The following SEPHS1 variants were observed in gnomAD, a reference collection of about 807,000 sequenced individuals.
SEPHS1 encodes the protein zincore component SEPHS1.
SEPHS1 carries 7 observed loss-of-function variants against 39.2 expected under a neutral mutation model. The ratio of observed to expected loss-of-function variants is 0.18; its 90% CI spans 0.10 to 0.34. The LOEUF (loss-of-function observed/expected upper bound fraction) is 0.34, where lower values mean the gene tolerates loss of function less well. Among genes scored for constraint, SEPHS1 ranks in the 10% least tolerant of loss-of-function variants. The pLI is 1.00. For synonymous variants in SEPHS1, 190 were observed against 195.5 expected (o/e 0.97, Z 0.23); for missense variants, 253 against 514.5 (o/e 0.49, Z 4.92).
At chr10:13,333,411 G>A (rs1252064209) in intron 5 of SEPHS1, among the ~76,000 whole-genome samples, 1 of 149,820 alleles carries the variant, frequency 6.7e-6, no homozygotes, top group Non-Finnish European at 1.5e-5. Flanking sequence ...GGGATTACAG[G>A]CATGAGCAAC....
At chr10:13,337,522 T>C (rs529818322) in intron 3 of SEPHS1, among the ~76,000 whole-genome samples, 187 of 152,376 alleles carry the variant, frequency 1.2e-3, no homozygotes, top group Non-Finnish European at 2.1e-3. Context: ...TTGCTTGCTT[T>C]AGGCTTTCTT....
intron 3 of SEPHS1, among the ~76,000 whole-genome samples, chr10:13,338,142 G>A (rs1833692483): frequency 6.6e-6 from 1 of 152,194 alleles, no homozygotes; most frequent in South Asian, 2.1e-4. Context: ...CTTTAACTCA[G>A]TGGTCAGAAA....
rs757001037 is a variant in SEPHS1 at position 13,338,819 on chromosome 10, G to T, written c.194-11C>A. On this transcript the variant is annotated splice_polypyrimidine_tract_variant and intron_variant, in intron 2 of 8. Transcript: ENST00000327347. ...TATCCATTCCAATGCCTGTGGAGAT[G>T]GAAGTCATTAGCATCCAAAAATAAA... 3.5e-5 allele frequency: 55 copies of T among 1,593,562 alleles called. No homozygotes were observed. Among genetic ancestry groups the T allele is most frequent in the Non-Finnish European group, 4.7e-5 (55 of 1,161,304 alleles).
chr10:13,343,979 T>C (rs1253455713), intron 2 of SEPHS1, among the ~76,000 whole-genome samples: 2 of 152,286 alleles, frequency 1.3e-5, no homozygotes, highest in African/African-American at 4.8e-5. Flanking sequence ...CCAGAATTTG[T>C]TTCTAAGCTC....
intron 2 of SEPHS1, among the ~76,000 whole-genome samples, chr10:13,339,518 A>G (rs1833729178): frequency 1.3e-5 from 2 of 152,002 alleles, no homozygotes; most frequent in South Asian, 4.2e-4. Context: ...GCATTTTACA[A>G]ACTCAGACTA....
chr10:13,320,410 T>A (rs1405404653), intron 8 of SEPHS1, among the ~76,000 whole-genome samples: 1 of 151,814 alleles, frequency 6.6e-6, no homozygotes, highest in East Asian at 2.0e-4. Context: ...CTCGATCTCC[T>A]GACCTCGTGA....
At position 13,329,848 on chromosome 10, in the gene SEPHS1, A is replaced by G. The variant is rs1015056607; in HGVS notation, c.561-60T>C. 7 of 1,321,558 alleles carry G rather than the reference A, an allele frequency of 5.3e-6. No homozygotes were observed. In the Admixed American group the frequency reaches 1.4e-4, roughly 27 times the overall value. 81.9% of individuals were successfully genotyped at this position (1,321,558 alleles called of 1,614,324 possible). A position where few individuals can be genotyped will look rare whatever the true frequency, so the allele number is the denominator to read the frequency against. Reference sequence around the variant, plus strand: ...TAACCAAGGAGATGAGCTCATTGTTATTAACACAAGAGAAGGAATAATCTG... The same window carrying G: ...TAACCAAGGAGATGAGCTCATTGTTGTTAACACAAGAGAAGGAATAATCTG... On this transcript the variant is annotated intron_variant, in intron 5 of 8. Coordinates refer to ENST00000327347, the MANE Select transcript of SEPHS1 (RefSeq NM_012247.5).
intron 7 of SEPHS1, 81 bp from the exon 8 acceptor site, chr10:13,323,128 T>G (rs1250636528): frequency 3.7e-6 from 4 of 1,091,674 alleles, no homozygotes; most frequent in Non-Finnish European, 4.1e-6. Flanking sequence ...AATCTGCAAC[T>G]TCCTTACTTG....
intron 5 of SEPHS1, 39 bp from the exon 6 acceptor site, chr10:13,329,827 C>T: frequency 6.8e-7 from 1 of 1,463,578 alleles, no homozygotes; most frequent in Non-Finnish European, 9.5e-7. Context: ...TCAAACTAAC[C>T]AAGGAGATGA....
chr10:13,336,646 TA>T (rs1298686796), intron 3 of SEPHS1, among the ~76,000 whole-genome samples: 1 of 152,072 alleles, frequency 6.6e-6, no homozygotes, highest in Non-Finnish European at 1.5e-5. Flanking sequence ...TTTATTTAGA[TA>T]GGGGAAGGGG....
At chr10:13,321,269 C>A (rs1276194986) in intron 8 of SEPHS1, among the ~76,000 whole-genome samples, 2 of 149,910 alleles carry the variant, frequency 1.3e-5, no homozygotes, top group African/African-American at 4.9e-5. Context: ...TTTTTTGAGA[C>A]AGAGTCTCAC....
chr10:13,337,318 T>C (rs1267750154), intron 3 of SEPHS1, among the ~76,000 whole-genome samples: 1 of 152,224 alleles, frequency 6.6e-6, no homozygotes, highest in East Asian at 1.9e-4. Context: ...GTCATTTTAT[T>C]AGGAACTTTA....
chr10:13,342,964 A>G (rs1013142424), intron 2 of SEPHS1, among the ~76,000 whole-genome samples: 5 of 152,032 alleles, frequency 3.3e-5, no homozygotes, highest in African/African-American at 1.2e-4. Flanking sequence ...TGAACTCCTG[A>G]CCTTGAGTGA....
chr10:13,348,080 C>A lies in SEPHS1; in HGVS notation c.-159G>T, dbSNP rs1486628220. 6.8e-6 allele frequency: 1 copy of A among 147,772 alleles called. No individual in the cohort carries two copies. Among genetic ancestry groups the A allele is most frequent in the Admixed American group, 6.7e-5 (1 of 14,916 alleles). The allele number at this position is 147,772 out of a possible 1,614,324, so 9.2% of individuals were successfully genotyped here. On this transcript the variant is annotated 5_prime_UTR_variant, in exon 1 of 9. Coordinates refer to ENST00000327347, the MANE Select transcript of SEPHS1 (RefSeq NM_012247.5). ...CAATGCACCGGGCGCGGCCGGGCTC[C>A]CTTAAGCGTCGCCTGAATAAAAATG...
In SEPHS1 at chr10:13,329,801, A is replaced by G; in HGVS notation, c.561-13T>C. ...TGCATTGTCTGGCCTGAAGAAAAGA[A>G]AAGGGCATGTTCTAGTCAAACTAAC... is the stretch of plus-strand genomic sequence containing the variant. On this transcript the variant is annotated splice_polypyrimidine_tract_variant and intron_variant, in intron 5 of 8. Coordinates refer to ENST00000327347, the MANE Select transcript of SEPHS1 (RefSeq NM_012247.5). The G allele has an allele frequency of 6.3e-7, 1 of 1,598,472 alleles. No individual in the cohort carries two copies. The highest frequency in any genetic ancestry group is 8.5e-7 in the Non-Finnish European group (1 of 1,171,820).
rs1195226899 is a variant in SEPHS1, at chr10:13,318,175, CA to C, written c.*966del. 6.6e-6 allele frequency: 1 copy of C among 152,448 alleles called. No homozygotes were observed. Among genetic ancestry groups the C allele is most frequent in the Non-Finnish European group, 1.5e-5 (1 of 68,008 alleles). The allele number at this position is 152,448 out of a possible 1,614,324, so 9.4% of individuals were successfully genotyped here. On this transcript the variant is annotated 3_prime_UTR_variant, in exon 9 of 9. Coordinates refer to ENST00000327347, the MANE Select transcript of SEPHS1 (RefSeq NM_012247.5). ...TAACACAGATCACAAAAAGCGTGCA[CA>C]AAAAAGTACTGGCGCAAAGGACAAA...
intron 7 of SEPHS1, among the ~76,000 whole-genome samples, chr10:13,324,674 G>A (rs911529977): frequency 4.6e-5 from 7 of 152,166 alleles, no homozygotes; most frequent in African/African-American, 4.8e-5. Flanking sequence ...GAGGTGGTGC[G>A]ATCACAGCTT....
intron 2 of SEPHS1, among the ~76,000 whole-genome samples, chr10:13,343,416 A>T (rs1165068926): frequency 6.6e-6 from 1 of 152,112 alleles, no homozygotes; most frequent in East Asian, 1.9e-4. Context: ...CTTCCTTTCC[A>T]ACAAAAGCAA....
intron 1 of SEPHS1, among the ~76,000 whole-genome samples, chr10:13,347,642 G>A (rs1354217215): frequency 6.8e-6 from 1 of 147,076 alleles, no homozygotes; most frequent in Non-Finnish European, 1.5e-5. Flanking sequence ...ACCCCAGGCC[G>A]GCCGCTCCCG....
Sources: gnomAD v4.1 joint callset for allele counts (sites outside exome capture counted in the v4.1 genomes callset) on GRCh38, gnomAD v4.1.1 for gene constraint, MANE v1.5 for transcripts, NCBI Gene and HGNC (gene_info 2026-07-23, HGNC 2026-07-21) for gene names.